Variants in ABHD12 observed in about 807,000 individuals in gnomAD.
ABHD12 encodes lysophosphatidylserine lipase ABHD12.
In ABHD12, 43 loss-of-function variants were observed where a neutral mutation model predicts 58.3. The observed-to-expected ratio is 0.74, with a 90% CI of 0.58 to 0.95. The LOEUF (loss-of-function observed/expected upper bound fraction) is 0.95, where lower values mean the gene tolerates loss of function less well. ABHD12 is among the 40% of genes least tolerant of loss of function. The probability of loss-of-function intolerance (pLI) is 0.00; values close to 1 mark genes in which losing one functional copy is unlikely to be tolerated. For missense variants in ABHD12, 539 were observed against 537.2 expected, an observed-to-expected ratio of 1.00 and a Z score of -0.03; for synonymous variants, 219 against 211.2, an observed-to-expected ratio of 1.04 and a Z score of -0.32.
chr20:25,343,352 A>G (rs1443328352), intron 1 of ABHD12, among the ~76,000 whole-genome samples: 1 of 152,200 alleles, frequency 6.6e-6, no homozygotes, highest in Non-Finnish European at 1.5e-5. Context: ...AACTTATCCT[A>G]TAAGCTCAGC....
At chr20:25,363,095 C>G (rs1356752516) in intron 1 of ABHD12, among the ~76,000 whole-genome samples, 1 of 151,994 alleles carries the variant, frequency 6.6e-6, no homozygotes, top group Non-Finnish European at 1.5e-5. Flanking sequence ...CTAGAACATT[C>G]AGAGTATTTT....
At chr20:25,307,890 A>C in intron 9 of ABHD12, 76 bp downstream of exon 9, 1 of 667,434 alleles carries the variant, frequency 1.5e-6, no homozygotes, top group Non-Finnish European at 2.5e-6. Flanking sequence ...AATTATTATA[A>C]TGTATCCTGT....
intron 1 of ABHD12, among the ~76,000 whole-genome samples, chr20:25,361,461 T>C (rs1351282381): frequency 3.3e-5 from 5 of 152,292 alleles, no homozygotes; most frequent in African/African-American, 1.2e-4. Flanking sequence ...AGTGGTGCGA[T>C]CTCAGCTCAC....
At chr20:25,308,122 C>T (rs527705365) in intron 8 of ABHD12, 77 bp from the exon 9 acceptor site, 2 of 1,058,750 alleles carry the variant, frequency 1.9e-6, no homozygotes, top group Non-Finnish European at 1.5e-6. Flanking sequence ...CTCTGAGGGG[C>T]CCCCAGAAAG....
intron 1 of ABHD12, among the ~76,000 whole-genome samples, chr20:25,361,514 T>C (rs919706337): frequency 1.1e-4 from 16 of 152,320 alleles, no homozygotes; most frequent in African/African-American, 3.6e-4. Flanking sequence ...TAACATTCTA[T>C]GTATTTCTTA....
chr20:25,335,803 G>A (rs1423655648), intron 2 of ABHD12, among the ~76,000 whole-genome samples: 1 of 126,400 alleles, frequency 7.9e-6, no homozygotes, highest in Non-Finnish European at 1.6e-5. Flanking sequence ...TCTGGGAACT[G>A]TTGTGGGGTG....
chr20:25,323,502 TACTC>T, intron 2 of ABHD12, 72 bp from the exon 3 acceptor site: 1 of 951,816 alleles, frequency 1.1e-6, no homozygotes, highest in Non-Finnish European at 1.7e-6. Context: ...CAAACATGCA[TACTC>T]ACACACGTGC....
At chr20:25,363,221 CTTTTTTTT>C (rs541419840) in intron 1 of ABHD12, among the ~76,000 whole-genome samples, 1 of 133,502 alleles carries the variant, frequency 7.5e-6, no homozygotes, top group African/African-American at 2.8e-5. Context: ...TGACATTTTA[CTTTTTTTT>C]TTTTTTTTTT....
rs76008345 is a variant in ABHD12 at position 25,301,123 on chromosome 20, C to G, written c.1158-239G>C. 3.7e-3 allele frequency among the ~76,000 whole-genome samples: 558 copies of G among 152,270 alleles called. 5 individuals carry two copies. The highest frequency in any genetic ancestry group is 0.01 in the Middle Eastern group (3 of 294). On this transcript the variant is annotated intron_variant, in intron 12 of 12. Coordinates refer to ENST00000339157, the MANE Select transcript of ABHD12 (RefSeq NM_001042472.3). ...GGAGACAAGGTCTCTGATTCTTGAC[C>G]CTCAACTTCAGAGCTATTCTCTGGT...
chr20:25,339,934 C>T (rs2089433187), intron 1 of ABHD12, among the ~76,000 whole-genome samples: 1 of 152,228 alleles, frequency 6.6e-6, no homozygotes, highest in Non-Finnish European at 1.5e-5. Context: ...CTTTTCCAGG[C>T]CCGTCAAGCC....
intron 1 of ABHD12, among the ~76,000 whole-genome samples, chr20:25,352,017 A>G (rs2089606617): frequency 6.6e-6 from 1 of 152,146 alleles, no homozygotes; most frequent in Admixed American, 6.5e-5. Flanking sequence ...TTTGAGACAG[A>G]GTCTCTCTCT....
At chr20:25,314,842 C>T in intron 6 of ABHD12, 83 bp downstream of exon 6, 1 of 1,492,694 alleles carries the variant, frequency 6.7e-7, no homozygotes, top group Admixed American at 1.7e-5. Context: ...TTGCTCCGAG[C>T]CTCTTCGAGT....
intron 1 of ABHD12, among the ~76,000 whole-genome samples, chr20:25,342,776 C>A (rs948709996): frequency 1.3e-5 from 2 of 151,966 alleles, no homozygotes; most frequent in African/African-American, 4.8e-5. Flanking sequence ...TTTGTAGATA[C>A]GAGGTCTCCC....
intron 2 of ABHD12, among the ~76,000 whole-genome samples, chr20:25,326,293 G>A (rs1185392198): frequency 6.6e-6 from 1 of 152,132 alleles, no homozygotes; most frequent in Non-Finnish European, 1.5e-5. Flanking sequence ...TGACTGGAAT[G>A]GCCTGCTTTC....
chr20:25,367,367 A>AT (rs1232582144), intron 1 of ABHD12, among the ~76,000 whole-genome samples: 1 of 152,208 alleles, frequency 6.6e-6, no homozygotes, highest in African/African-American at 2.4e-5. Flanking sequence ...TTTGCCACAT[A>AT]TACTTCAGCA....
At chr20:25,321,671 G>C (rs1047939834) in intron 3 of ABHD12, among the ~76,000 whole-genome samples, 1 of 152,232 alleles carries the variant, frequency 6.6e-6, no homozygotes, top group African/African-American at 2.4e-5. Flanking sequence ...TCCAGCCTAA[G>C]TCTCACCACC....
At position 25,390,559 on chromosome 20, in the gene ABHD12, C is replaced by T; in HGVS notation, c.145G>A (p.Glu49Lys). The change falls in exon 1 of 13, where the codon GAG becomes AAG. Residue 49 changes from glutamate to lysine, a missense_variant. Coordinates refer to ENST00000339157, the MANE Select transcript of ABHD12 (RefSeq NM_001042472.3). ...CCCGCGTCGGCTGCGCAGCGCGGCT[C>T]AGCCGCCGCCGGGCCCGTCAGGCGT... is the stretch of plus-strand genomic sequence containing the variant. ...NLRLTGPAAA[E>K]PRCAADAGMK... The T allele has an allele frequency of 7.4e-6, 11 of 1,478,632 alleles. No homozygotes were observed. Among genetic ancestry groups the T allele is most frequent in the Non-Finnish European group, 8.9e-6 (10 of 1,121,686 alleles). The allele number at this position is 1,478,632 out of a possible 1,614,324, so 91.6% of individuals were successfully genotyped here.
chr20:25,383,954 CAA>C (rs1201588127), intron 1 of ABHD12, among the ~76,000 whole-genome samples: 6 of 53,366 alleles, frequency 1.1e-4, no homozygotes, highest in African/African-American at 3.3e-4. Context: ...GACTCTTTCT[CAA>C]AAAAAAAAAA....
chr20:25,386,092 C>T (rs1284667593), intron 1 of ABHD12, among the ~76,000 whole-genome samples: 5 of 151,334 alleles, frequency 3.3e-5, no homozygotes, highest in African/African-American at 9.7e-5. Flanking sequence ...TGCAGCGAGA[C>T]TCCGTCTCAA....
Sources: allele counts gnomAD v4.1 joint callset (sites outside exome capture counted in the v4.1 genomes callset), GRCh38; gene constraint gnomAD v4.1.1; transcripts MANE v1.5; gene names NCBI Gene and HGNC (gene_info 2026-07-23, HGNC 2026-07-21).